The following KMT2E variants were observed in gnomAD, a reference collection of about 807,000 sequenced individuals.
KMT2E encodes lysine methyltransferase 2E (inactive).
KMT2E carries 30 observed loss-of-function variants against 184.6 expected under a neutral mutation model. The observed-to-expected ratio is 0.16, with a 90% CI of 0.12 to 0.22. KMT2E has a LOEUF of 0.22. Among genes scored for constraint, KMT2E ranks in the 10% least tolerant of loss-of-function variants. The pLI is 1.00. For missense variants in KMT2E, 2,023 were observed against 2,237.4 expected (o/e 0.90, Z 1.93); for synonymous variants, 815 against 776.5 (o/e 1.05, Z -0.82).
Position 105,054,446 on chromosome 7 carries a change from C to CTCTG in KMT2E, c.72-7706_72-7703dup, listed in dbSNP as rs879904154. Among the ~76,000 whole-genome samples, 975 of 107,506 alleles carry CTCTG rather than the reference C, an allele frequency of 9.1e-3. 9 individuals carry two copies. The highest frequency in any genetic ancestry group is 0.01 in the Non-Finnish European group (547 of 52,140). 70.5% of individuals were successfully genotyped at this position (107,506 alleles called of 152,430 possible). ...AATTATTTGTTGTAAAAGCAAGTTGCTCTGTCTGTCTGTCTATCTATCTAT... is the reference window on the plus strand; with the variant it reads ...AATTATTTGTTGTAAAAGCAAGTTGCTCTGTCTGTCTGTCTGTCTATCTATCTAT... On this transcript the variant is annotated intron_variant, in intron 3 of 26. Coordinates refer to ENST00000311117, the MANE Select transcript of KMT2E (RefSeq NM_182931.3).
rs142945547 is a variant in KMT2E, at chr7:105,098,488, C to T, written c.1723-2937C>T. 5.0e-3 allele frequency among the ~76,000 whole-genome samples: 754 copies of T among 152,214 alleles called. 1 individual carries two copies. Among genetic ancestry groups the T allele is most frequent in the Non-Finnish European group, 7.5e-3 (510 of 67,996 alleles). On this transcript the variant is annotated intron_variant, in intron 15 of 26. Transcript: ENST00000311117. Reference sequence around the variant, plus strand: ...TGGCGCAATCTCAGCTTACTGCAACCTCCACCTCCCTGGTTTAAGTGATTC... The same window carrying T: ...TGGCGCAATCTCAGCTTACTGCAACTTCCACCTCCCTGGTTTAAGTGATTC...
At position 105,062,190 on chromosome 7, in the gene KMT2E, T is replaced by A; in HGVS notation, c.98T>A (p.Val33Glu). The A allele has an allele frequency of 6.2e-7, 1 of 1,613,202 alleles. No homozygotes were observed. The highest frequency in any genetic ancestry group is 2.2e-5 in the East Asian group (1 of 44,836). Residue 33 changes from valine (V) to glutamate (E), a missense_variant, in exon 4 of 27, where the codon GTG (valine) becomes GAG (glutamate). Transcript: ENST00000311117. ...CCAGAATCCGTAGAAGCTAGCCCTG[T>A]GGTAGTTGAGAAATCCAACAGTTAT... ...SEPESVEASP[V>E]VVEKSNSYPH...
Position 105,109,017 on chromosome 7 carries a change from A to C in KMT2E, c.3544A>C (p.Ile1182Leu). Residue 1182 changes from isoleucine (I) to leucine (L), a missense_variant, in exon 23 of 27, where the codon ATT becomes CTT. This residue lies in a region of KMT2E where 1,108 missense variants were observed against 1,050.9 expected (regional missense o/e 1.05). Coordinates refer to ENST00000311117, the MANE Select transcript of KMT2E (RefSeq NM_182931.3). ...CTCTAAGACAGAGAACTTTCCACTC[A>C]TTAGTGTATCACCCCATGCAAGTGG... is the stretch of plus-strand genomic sequence containing the variant. The part of the protein sequence containing the change: ...SGSKTENFPL[I>L]SVSPHASGSL... The C allele has an allele frequency of 6.2e-7, 1 of 1,614,126 alleles. No individual in the cohort carries two copies. Among genetic ancestry groups the C allele is most frequent in the South Asian group, 1.1e-5 (1 of 91,082 alleles).
Position 105,112,313 on chromosome 7 carries a change from T to A in KMT2E, c.4557T>A (p.Phe1519Leu). 6.2e-7 allele frequency: 1 copy of A among 1,613,890 alleles called. No individual in the cohort carries two copies. The highest frequency in any genetic ancestry group is 8.5e-7 in the Non-Finnish European group (1 of 1,180,030). ...NTQQATSGTL[F>L]TQTPSGQSSA... ...AGCAGGCAACTTCTGGAACATTATT[T>A]ACACAGACACCCTCAGGACAATCTT... The change falls in exon 27 of 27, where the codon TTT becomes TTA. Residue 1519 changes from phenylalanine (F) to leucine (L), a missense_variant. Coordinates refer to ENST00000311117, the MANE Select transcript of KMT2E (RefSeq NM_182931.3).
chr7:105,053,426 A>G (rs1796427530), intron 3 of KMT2E, among the ~76,000 whole-genome samples: 1 of 152,208 alleles, frequency 6.6e-6, no homozygotes, highest in Non-Finnish European at 1.5e-5. Context: ...TTAATTGATG[A>G]AGGATTAAAG....
At chr7:105,103,444 TTATG>T (rs1186633310) in intron 17 of KMT2E, 1 of 152,230 alleles carries the variant, frequency 6.6e-6, no homozygotes, top group African/African-American at 2.4e-5. Context: ...TCTAAGAGCT[TTATG>T]TATGTTATTG....
At chr7:105,057,595 G>A (rs761402835) in intron 3 of KMT2E, among the ~76,000 whole-genome samples, 1 of 151,958 alleles carries the variant, frequency 6.6e-6, no homozygotes, top group Non-Finnish European at 1.5e-5. Context: ...AGGACTATAG[G>A]TGTGAGCCAC....
Position 105,113,047 on chromosome 7 carries a change from A to G in KMT2E, c.5291A>G (p.Gln1764Arg), listed in dbSNP as rs758134612. The G allele has an allele frequency of 6.2e-7, 1 of 1,613,990 alleles. No individual in the cohort carries two copies. Among genetic ancestry groups the G allele is most frequent in the South Asian group, 1.1e-5 (1 of 91,070 alleles). ...AHPTVPPYPS[Q>R]ATHHTTLGPG... ...CCAACTGTACCACCGTATCCCTCAC[A>G]AGCTACACATCATACCACTTTGGGA... Residue 1764 changes from glutamine (Q) to arginine (R), a missense_variant, in exon 27 of 27, where the codon CAA becomes CGA. Coordinates refer to ENST00000311117, the MANE Select transcript of KMT2E (RefSeq NM_182931.3).
At chr7:105,065,032 A>G (rs1181008838) in intron 5 of KMT2E, among the ~76,000 whole-genome samples, 3 of 152,146 alleles carry the variant, frequency 2.0e-5, no homozygotes, top group African/African-American at 7.2e-5. Flanking sequence ...TCCATCTACA[A>G]ATTATTGAAG....
At chr7:105,072,116 A>G (rs1454968635) in intron 6 of KMT2E, among the ~76,000 whole-genome samples, 1 of 152,120 alleles carries the variant, frequency 6.6e-6, no homozygotes, top group Admixed American at 6.5e-5. Context: ...GATTGAGACC[A>G]TCCTGGCTAA....
At chr7:105,094,627 C>G (rs1040138622) in intron 15 of KMT2E, among the ~76,000 whole-genome samples, 1 of 152,148 alleles carries the variant, frequency 6.6e-6, no homozygotes, top group Admixed American at 6.5e-5. Flanking sequence ...GATTGGAATA[C>G]GACGAGTCAG....
Position 105,114,430 on chromosome 7 carries a change from A to G in KMT2E, c.*1097A>G, listed in dbSNP as rs913668791. 1 of 152,202 alleles carries G rather than the reference A, an allele frequency of 6.6e-6. No homozygotes were observed. The highest frequency in any genetic ancestry group is 2.4e-5 in the African/African-American group (1 of 41,448). 9.4% of individuals were successfully genotyped at this position (152,202 alleles called of 1,614,324 possible). A position where few individuals can be genotyped will look rare whatever the true frequency, so the allele number is the denominator to read the frequency against. On this transcript the variant is annotated 3_prime_UTR_variant, in exon 27 of 27. Coordinates refer to ENST00000311117, the MANE Select transcript of KMT2E (RefSeq NM_182931.3). ...AGGAAAATTTGTCTTGGGTGTAAAAACTAAAGAAAAAAGGCATTATTCCTA... is the reference window on the plus strand; with the variant it reads ...AGGAAAATTTGTCTTGGGTGTAAAAGCTAAAGAAAAAAGGCATTATTCCTA...
At chr7:105,076,872 TTG>T (rs10598888) in intron 9 of KMT2E, 89 bp from the exon 10 acceptor site, 138,339 of 612,240 alleles carry the variant, frequency 0.23, 8,764 homozygotes, top group Non-Finnish European at 0.24. Context: ...GCCGTTAATT[TTG>T]TGTGTGTGTG....
intron 3 of KMT2E, among the ~76,000 whole-genome samples, chr7:105,059,978 G>GTTTTTTTGTTTTTTTTTTTTTT (rs1796735576): frequency 1.9e-5 from 1 of 51,764 alleles, no homozygotes; most frequent in African/African-American, 5.8e-5. Flanking sequence ...TCTTGTTGTT[G>GTTTTTTTGTTTTTTTTTTTTTT]TTTTTTTTTT....
At chr7:105,086,571 A>C (rs1797972039) in intron 13 of KMT2E, among the ~76,000 whole-genome samples, 1 of 151,766 alleles carries the variant, frequency 6.6e-6, no homozygotes, top group Admixed American at 6.6e-5. Flanking sequence ...CTAAAAATAC[A>C]AAAATTAGCC....
chr7:105,052,737 A>AT (rs1428650761), intron 3 of KMT2E, among the ~76,000 whole-genome samples: 2 of 148,750 alleles, frequency 1.3e-5, no homozygotes, highest in Admixed American at 6.7e-5. Context: ...TTTTTTTTTT[A>AT]TTTTTTTATT....
At chr7:105,091,480 A>C (rs1798203209) in intron 15 of KMT2E, 166 bp downstream of exon 15, 2 of 636,746 alleles carry the variant, frequency 3.1e-6, no homozygotes, top group East Asian at 5.5e-5. Flanking sequence ...AATTCCATTA[A>C]TCTTGTATTT....
At chr7:105,098,189 A>T (rs2129569285) in intron 15 of KMT2E, among the ~76,000 whole-genome samples, 2 of 151,968 alleles carry the variant, frequency 1.3e-5, no homozygotes, top group South Asian at 4.2e-4. Context: ...AAGACCAAAG[A>T]AGAATAGGGT....
chr7:105,107,348 T>C lies in KMT2E; in HGVS notation c.2905-14T>C, dbSNP rs201147710. ...TGATTATTTGTGTAATTTTTTTTTT[T>C]AATTTGTAAACAGGGATATGACAGA... is the stretch of plus-strand genomic sequence containing the variant. On this transcript the variant is annotated splice_polypyrimidine_tract_variant and intron_variant, in intron 21 of 26. Transcript: ENST00000311117. 3.2e-6 allele frequency: 5 copies of C among 1,547,070 alleles called. No homozygotes were observed. In the East Asian group the frequency reaches 1.1e-4, roughly 35 times the overall value.
Sources: gnomAD v4.1 joint callset for allele counts (sites outside exome capture counted in the v4.1 genomes callset) on GRCh38, gnomAD v4.1.1 for gene constraint, gnomAD v4.1.1 regional missense constraint, MANE v1.5 for transcripts, NCBI Gene and HGNC (gene_info 2026-07-23, HGNC 2026-07-21) for gene names.